The following CDH8 variants were observed in gnomAD, a reference collection of about 807,000 sequenced individuals.
CDH8 encodes the protein cadherin 8, also known as cadherin-8.
In CDH8, 17 loss-of-function variants were observed where a neutral mutation model predicts 68.1. The observed-to-expected ratio is 0.25, with a 90% CI of 0.17 to 0.37. The LOEUF is 0.37. CDH8 is among the 10% of genes least tolerant of loss of function. CDH8 has a pLI of 1.00. For missense variants in CDH8, 763 were observed against 999.3 expected (o/e 0.76, Z 3.19); for synonymous variants, 372 against 365.1 (o/e 1.02, Z -0.21).
At chr16:61,891,634 C>A (rs771305510) in intron 3 of CDH8, among the ~76,000 whole-genome samples, 1 of 152,148 alleles carries the variant, frequency 6.6e-6, no homozygotes, top group Admixed American at 6.5e-5. Flanking sequence ...AGTTTAGCTT[C>A]TTTAAGCAGA....
intron 4 of CDH8, among the ~76,000 whole-genome samples, chr16:61,833,874 T>C (rs10500456): frequency 6.6e-6 from 1 of 151,806 alleles, no homozygotes; most frequent in African/African-American, 2.4e-5. Context: ...TTTGATTGTA[T>C]GCACCTTTGC....
At chr16:61,807,994 G>A (rs1439284920) in intron 7 of CDH8, among the ~76,000 whole-genome samples, 2 of 152,186 alleles carry the variant, frequency 1.3e-5, no homozygotes, top group Non-Finnish European at 2.9e-5. Flanking sequence ...AATTCAGGGA[G>A]TTAATGCTAC....
Position 61,789,378 on chromosome 16 carries a change from C to T in CDH8, c.1382G>A (p.Trp461Ter). 1 of 1,612,652 alleles carries T rather than the reference C, an allele frequency of 6.2e-7. No individual in the cohort carries two copies. The highest frequency in any genetic ancestry group is 8.5e-7 in the Non-Finnish European group (1 of 1,179,144). Residue 461 changes from tryptophan to a stop codon, truncating the protein, a stop_gained, in exon 8 of 12, where the codon TGG becomes TAG. Coordinates refer to ENST00000577390, the MANE Select transcript of CDH8 (RefSeq NM_001796.5). LOFTEE classifies it high-confidence loss of function. ...AGTAGCAATGATTGTTATGTTGTGC[C>T]ATACACTTAATTCTCTGTCAAGTGG... ...ATPLDRELSVWHNITIIATEI... is the reference protein window; with the variant it reads ...ATPLDRELSV
intron 2 of CDH8, among the ~76,000 whole-genome samples, chr16:61,971,484 G>C (rs1965339624): frequency 6.6e-6 from 1 of 152,220 alleles, no homozygotes; most frequent in Non-Finnish European, 1.5e-5. Context: ...GAGAAGCACA[G>C]AGCAAGGGAG....
chr16:61,779,425 A>ATGTGTGTGTGTGTG (rs10539934), intron 8 of CDH8, among the ~76,000 whole-genome samples: 80 of 139,110 alleles, frequency 5.8e-4, no homozygotes, highest in African/African-American at 1.2e-3. Flanking sequence ...ATGTTCGTTT[A>ATGTGTGTGTGTGTG]TGTGTGTGTG....
At chr16:62,004,243 C>A (rs1965937972) in intron 2 of CDH8, among the ~76,000 whole-genome samples, 1 of 152,158 alleles carries the variant, frequency 6.6e-6, no homozygotes, top group Admixed American at 6.5e-5. Context: ...AAGGACAAAT[C>A]TTACATAGTA....
At chr16:62,000,517 A>G (rs1965877622) in intron 2 of CDH8, among the ~76,000 whole-genome samples, 1 of 152,220 alleles carries the variant, frequency 6.6e-6, no homozygotes, top group South Asian at 2.1e-4. Flanking sequence ...AGAAAAAGCT[A>G]GAATAAAAAA....
chr16:61,875,834 A>G (rs1192921610), intron 3 of CDH8, among the ~76,000 whole-genome samples: 1 of 152,114 alleles, frequency 6.6e-6, no homozygotes, highest in East Asian at 1.9e-4. Flanking sequence ...GCCACCAAAT[A>G]GGAAGCTATT....
At chr16:61,956,431 GAA>G (rs71868302) in intron 2 of CDH8, among the ~76,000 whole-genome samples, 13,644 of 152,046 alleles carry the variant, frequency 0.09, 798 homozygotes, top group East Asian at 0.26. Context: ...AATCCATCTT[GAA>G]AAAGAGGAAA....
chr16:61,655,798 T>C (rs1874117841), intron 10 of CDH8, 77 bp from the exon 11 acceptor site: 1 of 1,342,622 alleles, frequency 7.4e-7, no homozygotes, highest in African/African-American at 1.5e-5. Flanking sequence ...TTCTAGTTCA[T>C]GAACCCTTTG....
intron 8 of CDH8, among the ~76,000 whole-genome samples, chr16:61,734,980 T>A (rs908945079): frequency 1.3e-5 from 2 of 152,024 alleles, no homozygotes. Context: ...CAGTGAAGTA[T>A]CTTTCTTTGT....
chr16:61,832,330 TAATA>T (rs1385113039), intron 4 of CDH8, among the ~76,000 whole-genome samples: 2 of 128,842 alleles, frequency 1.6e-5, no homozygotes, highest in Admixed American at 8.3e-5. Context: ...GACAGATAGA[TAATA>T]GATAGATAGA....
intron 9 of CDH8, among the ~76,000 whole-genome samples, chr16:61,722,765 G>A (rs1212777077): frequency 6.6e-6 from 1 of 150,754 alleles, no homozygotes; most frequent in African/African-American, 2.4e-5. Flanking sequence ...AGAAGTATAA[G>A]TGACTACCTT....
intron 8 of CDH8, among the ~76,000 whole-genome samples, chr16:61,778,863 A>G (rs2142991797): frequency 6.6e-6 from 1 of 152,266 alleles, no homozygotes; most frequent in South Asian, 2.1e-4. Context: ...TTTTTTTCTA[A>G]GTAGCCTGGG....
chr16:61,724,840 A>T (rs2142888771), intron 9 of CDH8, among the ~76,000 whole-genome samples: 1 of 150,390 alleles, frequency 6.6e-6, no homozygotes, highest in South Asian at 2.1e-4. Context: ...ATAAGTAAAC[A>T]CTTGTGTGAA....
intron 1 of CDH8, among the ~76,000 whole-genome samples, chr16:62,030,944 A>C (rs1471295190): frequency 6.6e-6 from 1 of 152,162 alleles, no homozygotes; most frequent in Non-Finnish European, 1.5e-5. Context: ...GGTAAGGTGA[A>C]CTGTTCAATT....
intron 5 of CDH8, among the ~76,000 whole-genome samples, chr16:61,821,932 TC>T (rs1340768084): frequency 1.3e-5 from 2 of 151,922 alleles, no homozygotes; most frequent in Admixed American, 1.3e-4. Context: ...TAACTGCCAC[TC>T]CTGCATTTCT....
intron 8 of CDH8, among the ~76,000 whole-genome samples, chr16:61,727,504 A>G (rs561070257): frequency 2.8e-4 from 42 of 151,146 alleles, no homozygotes; most frequent in Non-Finnish European, 5.9e-5. Context: ...TATTTTATAG[A>G]TAAGGGATCA....
intron 1 of CDH8, among the ~76,000 whole-genome samples, chr16:62,026,978 G>A (rs1902211747): frequency 6.6e-6 from 1 of 152,214 alleles, no homozygotes; most frequent in Admixed American, 6.5e-5. Flanking sequence ...CTTGATGCAA[G>A]GAAGAAGAAA....
Sources: gnomAD v4.1 joint callset for allele counts (sites outside exome capture counted in the v4.1 genomes callset) on GRCh38, gnomAD v4.1.1 for gene constraint, MANE v1.5 for transcripts, NCBI Gene and HGNC (gene_info 2026-07-23, HGNC 2026-07-21) for gene names.